Variants in MAGED1 observed in about 807,000 individuals in gnomAD.
The protein encoded by MAGED1 is MAGE family member D1.
MAGED1 carries 3 observed loss-of-function variants against 54.1 expected under a neutral mutation model. The observed-to-expected ratio is 0.06, with a 90% confidence interval of 0.03 to 0.14. MAGED1 has a LOEUF of 0.14. Ranked by LOEUF, MAGED1 falls within the 10% of genes least tolerant of loss-of-function variation. The pLI, the probability that MAGED1 is intolerant of heterozygous loss-of-function variation, is 1.00. For missense variants in MAGED1, 485 were observed against 623.4 expected, an observed-to-expected ratio of 0.78 and a Z score of 2.36; for synonymous variants, 217 against 227.3, an observed-to-expected ratio of 0.95 and a Z score of 0.41.
intron 1 of MAGED1, among the ~76,000 whole-genome samples, chrX:51,824,704 C>CTG (rs149180361): frequency 0.11 from 9,917 of 90,137 alleles, 1,027 homozygotes; most frequent in African/African-American, 0.31. Context: ...TATATTGTCT[C>CTG]TGTGTGTGTG....
At chrX:51,881,761 A>ATTATC (rs1352376340) in intron 1 of MAGED1, among the ~76,000 whole-genome samples, 5 of 110,878 alleles carry the variant, frequency 4.5e-5, no homozygotes, top group Admixed American at 2.9e-4. Context: ...TTCTTTCTCC[A>ATTATC]TTATCTTATT....
At chrX:51,854,813 A>G (rs1742204583) in intron 1 of MAGED1, among the ~76,000 whole-genome samples, 1 of 110,493 alleles carries the variant, frequency 9.1e-6, no homozygotes, top group African/African-American at 3.3e-5. Context: ...TTCATTTTTC[A>G]TTTGTGTGTA....
chrX:51,891,427 ATG>A (rs782552246), upstream of MAGED1, among the ~76,000 whole-genome samples: 240 of 113,153 alleles, frequency 2.1e-3, 1 homozygote, highest in African/African-American at 7.1e-3. Flanking sequence ...CAGTGTTTGA[ATG>A]TATAGTGATG....
rs373610127 is a variant in MAGED1, at chrX:51,895,482, G to A, written c.475G>A (p.Ala159Thr). Reference sequence around the variant, plus strand: ...TGCCACTACTAAAGTGGGCCCAAATGCCACCTACAATTTCTCTCAGTCTCT... The same window carrying A: ...TGCCACTACTAAAGTGGGCCCAAATACCACCTACAATTTCTCTCAGTCTCT... Reference protein sequence around the residue: ...QNATTKVGPNATYNFSQSLNA... With the variant: ...QNATTKVGPNTTYNFSQSLNA... The change falls in exon 3 of 13, where the codon GCC becomes ACC. Residue 159 changes from alanine (A) to threonine (T), a missense_variant. Physicochemically the swap from Ala to Thr is moderately conservative, Grantham distance 58. Around this residue, in one of 2 missense-constraint regions of MAGED1, gnomAD observed 299 missense variants for 293.1 expected, o/e 1.02. Transcript: ENST00000326587. 2.7e-5 allele frequency: 33 copies of A among 1,208,089 alleles called. No individual in the cohort carries two copies. Among genetic ancestry groups the A allele is most frequent in the Non-Finnish European group, 3.5e-5 (31 of 894,313 alleles).
intron 1 of MAGED1, among the ~76,000 whole-genome samples, chrX:51,874,828 T>C (rs1927810664): frequency 9.1e-6 from 1 of 109,969 alleles, no homozygotes; most frequent in Non-Finnish European, 1.9e-5. Flanking sequence ...GTATGCCTGG[T>C]TTTTTTTTAA....
chrX:51,862,259 G>C (rs189536967), intron 1 of MAGED1, among the ~76,000 whole-genome samples: 1 of 111,598 alleles, frequency 9.0e-6, no homozygotes, highest in East Asian at 2.8e-4. Flanking sequence ...TACTTTGTGA[G>C]CTCCATAAGG....
upstream of MAGED1, among the ~76,000 whole-genome samples, chrX:51,890,469 A>G (rs1557363348): frequency 8.9e-6 from 1 of 112,081 alleles, no homozygotes. Flanking sequence ...AGCTTGCCAC[A>G]CTGGTAAATC....
chrX:51,900,618 TTTTA>T (rs782573827), intron 11 of MAGED1, among the ~76,000 whole-genome samples: 24 of 111,473 alleles, frequency 2.2e-4, no homozygotes, highest in Non-Finnish European at 7.5e-5. Flanking sequence ...AAGTATTTTG[TTTTA>T]TTTATTTATT....
intron 1 of MAGED1, among the ~76,000 whole-genome samples, chrX:51,867,464 G>A (rs1927496908): frequency 8.9e-6 from 1 of 111,990 alleles, no homozygotes; most frequent in Admixed American, 9.4e-5. Context: ...TTCAAGGGCA[G>A]GAAGCATCCA....
At chrX:51,864,607 A>G (rs782740784) in intron 1 of MAGED1, among the ~76,000 whole-genome samples, 2 of 111,176 alleles carry the variant, frequency 1.8e-5, no homozygotes, top group Non-Finnish European at 3.8e-5. Context: ...TTTTCAATTT[A>G]TTTGTGTCTT....
intron 1 of MAGED1, among the ~76,000 whole-genome samples, chrX:51,824,792 A>G (rs1239487490): frequency 1.1e-5 from 1 of 94,971 alleles, no homozygotes; most frequent in African/African-American, 4.0e-5. Flanking sequence ...ACATATATAT[A>G]CGTATATATA....
intron 1 of MAGED1, among the ~76,000 whole-genome samples, chrX:51,836,402 G>A (rs142420965): frequency 2.7e-5 from 3 of 110,809 alleles, no homozygotes; most frequent in African/African-American, 9.8e-5. Flanking sequence ...AGATTGATTA[G>A]GTGGAACCAG....
chrX:51,897,955 A>C, intron 7 of MAGED1, 69 bp downstream of exon 7: 1 of 955,266 alleles, frequency 1.0e-6, no homozygotes, highest in Non-Finnish European at 1.5e-6. Flanking sequence ...TTTCACGTAG[A>C]TCAGGGTCCA....
chrX:51,836,671 C>T (rs1418926290), intron 1 of MAGED1, among the ~76,000 whole-genome samples: 1 of 108,203 alleles, frequency 9.2e-6, no homozygotes, highest in African/African-American at 3.4e-5. Context: ...CCGGGTTTTA[C>T]GCCATTCTCC....
intron 1 of MAGED1, among the ~76,000 whole-genome samples, chrX:51,843,461 G>A (rs781936303): frequency 9.0e-6 from 1 of 111,169 alleles, no homozygotes; most frequent in African/African-American, 3.3e-5. Context: ...ATGCTATCTT[G>A]ATGGCTTTGA....
intron 1 of MAGED1, among the ~76,000 whole-genome samples, chrX:51,807,067 C>T (rs1557355178): frequency 9.0e-6 from 1 of 111,612 alleles, no homozygotes; most frequent in East Asian, 2.8e-4. Flanking sequence ...GATTACAGGC[C>T]TGAGCCACTG....
At chrX:51,843,922 T>A (rs1447079957) in intron 1 of MAGED1, among the ~76,000 whole-genome samples, 3 of 111,913 alleles carry the variant, frequency 2.7e-5, no homozygotes, top group African/African-American at 9.7e-5. Flanking sequence ...GAAACATAGA[T>A]GTTAAACATT....
chrX:51,882,712 C>T (rs1258165636), intron 1 of MAGED1, among the ~76,000 whole-genome samples: 3 of 109,666 alleles, frequency 2.7e-5, no homozygotes, highest in South Asian at 7.9e-4. Flanking sequence ...TTTTTTGAGA[C>T]GGAGTCTCAC....
At chrX:51,883,609 C>A (rs1343814627) in intron 1 of MAGED1, among the ~76,000 whole-genome samples, 1 of 112,233 alleles carries the variant, frequency 8.9e-6, no homozygotes, top group African/African-American at 3.2e-5. Flanking sequence ...ATAATCACAA[C>A]TTGAGTGACA....
Sources: gnomAD v4.1 joint callset for allele counts (sites outside exome capture counted in the v4.1 genomes callset) on GRCh38, gnomAD v4.1.1 for gene constraint, gnomAD v4.1.1 regional missense constraint, MANE v1.5 for transcripts, NCBI Gene and HGNC (gene_info 2026-07-23, HGNC 2026-07-21) for gene names.